CNTNAP2: variants seen among roughly 807,000 people sequenced by gnomAD.
CNTNAP2 encodes the protein contactin-associated protein-like 2.
Under a neutral mutation model 155.2 loss-of-function variants are expected in CNTNAP2, and 98 were observed. That is an observed-to-expected ratio of 0.63 (90% CI 0.54 to 0.75). The LOEUF (loss-of-function observed/expected upper bound fraction) is 0.75, where lower values mean the gene tolerates loss of function less well. CNTNAP2 is among the 30% of genes least tolerant of loss of function. The pLI is 0.00. For missense variants in CNTNAP2, 1,727 were observed against 1,688.1 expected, an observed-to-expected ratio of 1.02 and a Z score of -0.40; for synonymous variants, 651 against 631.2, an observed-to-expected ratio of 1.03 and a Z score of -0.47.
intron 15 of CNTNAP2, among the ~76,000 whole-genome samples, chr7:148,087,456 A>G (rs1803755686): frequency 1.3e-5 from 2 of 152,018 alleles, no homozygotes; most frequent in Non-Finnish European, 2.9e-5. Context: ...TTTCTCTCTC[A>G]AGCATCATTT....
At chr7:147,036,146 A>G (rs1000901617) in intron 3 of CNTNAP2, among the ~76,000 whole-genome samples, 3 of 152,200 alleles carry the variant, frequency 2.0e-5, no homozygotes, top group African/African-American at 7.2e-5. Context: ...TTTGTGAGCT[A>G]TGAATAATTT....
At chr7:146,145,701 G>C (rs1305377977) in intron 1 of CNTNAP2, among the ~76,000 whole-genome samples, 1 of 151,974 alleles carries the variant, frequency 6.6e-6, no homozygotes, top group African/African-American at 2.4e-5. Context: ...AATGGACTAG[G>C]AAAAAAATCC....
intron 19 of CNTNAP2, among the ~76,000 whole-genome samples, chr7:148,227,525 C>T (rs915791634): frequency 1.3e-5 from 2 of 152,176 alleles, no homozygotes; most frequent in Non-Finnish European, 2.9e-5. Context: ...GAGGATGAAC[C>T]AGGAGCTCTG....
At chr7:147,713,987 A>C (rs554187677) in intron 13 of CNTNAP2, among the ~76,000 whole-genome samples, 1 of 152,286 alleles carries the variant, frequency 6.6e-6, no homozygotes, top group South Asian at 2.1e-4. Flanking sequence ...CAGATCATTA[A>C]TACTACTCTC....
intron 21 of CNTNAP2, among the ~76,000 whole-genome samples, chr7:148,380,127 G>A (rs964179632): frequency 2.6e-5 from 4 of 152,084 alleles, no homozygotes; most frequent in Non-Finnish European, 4.4e-5. Context: ...TGATTGTACT[G>A]CATTTCTAAA....
chr7:146,642,221 A>C (rs1392051666), intron 1 of CNTNAP2, among the ~76,000 whole-genome samples: 2 of 151,702 alleles, frequency 1.3e-5, no homozygotes, highest in East Asian at 1.9e-4. Flanking sequence ...GGTTAGTTAC[A>C]TATGTATACA....
intron 18 of CNTNAP2, among the ~76,000 whole-genome samples, chr7:148,179,471 C>T (rs1794997560): frequency 6.7e-6 from 1 of 150,044 alleles, no homozygotes; most frequent in South Asian, 2.1e-4. Context: ...TGTGCCACTG[C>T]ACTTTAGCCT....
At chr7:148,067,707 C>T (rs565554623) in intron 15 of CNTNAP2, among the ~76,000 whole-genome samples, 1 of 152,270 alleles carries the variant, frequency 6.6e-6, no homozygotes, top group East Asian at 1.9e-4. Context: ...TGGACCATAG[C>T]GCTCCCAAGA....
chr7:147,106,715 A>G (rs774412289), intron 4 of CNTNAP2, among the ~76,000 whole-genome samples: 3 of 152,188 alleles, frequency 2.0e-5, no homozygotes, highest in Non-Finnish European at 4.4e-5. Flanking sequence ...ATTTCATTTT[A>G]TTCGAAGTAA....
Position 147,681,081 on chromosome 7 carries a change from C to T in CNTNAP2, c.2098+41775C>T, listed in dbSNP as rs1004156200. ...GAAATTCATTTCAGGTTTTCATAGT[C>T]GTAACCCACATATTTGAAAGGGGAA... is the stretch of plus-strand genomic sequence containing the variant. On this transcript the variant is annotated intron_variant, in intron 13 of 23. Transcript: ENST00000361727. Among the ~76,000 whole-genome samples, 15 of 151,880 alleles carry T rather than the reference C, an allele frequency of 9.9e-5. 1 individual carries two copies. Among genetic ancestry groups the T allele is most frequent in the East Asian group, 3.9e-4 (2 of 5,174 alleles).
intron 1 of CNTNAP2, among the ~76,000 whole-genome samples, chr7:146,743,145 A>G (rs1801748656): frequency 6.6e-6 from 1 of 152,170 alleles, no homozygotes; most frequent in African/African-American, 2.4e-5. Context: ...TCAGTATGCT[A>G]TCCACTCTGA....
At position 147,951,194 on chromosome 7, in the gene CNTNAP2, C is replaced by T. The variant is rs528840042; in HGVS notation, c.2256-26668C>T. 2.0e-4 allele frequency among the ~76,000 whole-genome samples: 31 copies of T among 151,930 alleles called. 1 individual carries two copies. In the South Asian group the frequency reaches 2.9e-3, roughly 14 times the overall value. ...TCACTGTATTTGGGAGCCTGGAAGA[C>T]GAAGAATGGAGCCCAGTAAATAGAG... is the stretch of plus-strand genomic sequence containing the variant. On this transcript the variant is annotated intron_variant, in intron 14 of 23. Coordinates refer to ENST00000361727, the MANE Select transcript of CNTNAP2 (RefSeq NM_014141.6).
At position 148,320,046 on chromosome 7, in the gene CNTNAP2, G is replaced by A. The variant is rs117857379; in HGVS notation, c.3475+52920G>A. On this transcript the variant is annotated intron_variant, in intron 21 of 23. Transcript: ENST00000361727. The stretch of plus-strand genomic sequence containing the variant: ...CTTGTGATTATGTATTTTAATGAGC[G>A]CATTTCCTTTTCATATGGAGAAGGG... Among the ~76,000 whole-genome samples, 1,076 of 152,096 alleles carry A rather than the reference G, an allele frequency of 7.1e-3. 16 individuals carry two copies. Among genetic ancestry groups the A allele is most frequent in the Non-Finnish European group, 4.7e-3 (322 of 67,996 alleles).
At chr7:147,247,108 C>A (rs1453156023) in intron 8 of CNTNAP2, among the ~76,000 whole-genome samples, 1 of 152,090 alleles carries the variant, frequency 6.6e-6, no homozygotes, top group Non-Finnish European at 1.5e-5. Flanking sequence ...AAGAGTGCTT[C>A]TATTTTTGAA....
At chr7:147,204,869 A>G (rs1426315211) in intron 8 of CNTNAP2, among the ~76,000 whole-genome samples, 1 of 152,132 alleles carries the variant, frequency 6.6e-6, no homozygotes, top group African/African-American at 2.4e-5. Flanking sequence ...AGGTAAGAAA[A>G]TATCATTAAT....
chr7:147,085,860 T>C (rs988011405), intron 4 of CNTNAP2: 4 of 152,346 alleles, frequency 2.6e-5, no homozygotes, highest in African/African-American at 9.6e-5. Flanking sequence ...AAACATATCA[T>C]TTGCATCTGC....
At chr7:146,333,805 A>G (rs1172044071) in intron 1 of CNTNAP2, among the ~76,000 whole-genome samples, 1 of 152,222 alleles carries the variant, frequency 6.6e-6, no homozygotes, top group East Asian at 1.9e-4. Context: ...CCCAATGTCT[A>G]TGGAATCCTC....
At chr7:147,185,981 C>T (rs551301403) in intron 8 of CNTNAP2, among the ~76,000 whole-genome samples, 7 of 152,266 alleles carry the variant, frequency 4.6e-5, no homozygotes, top group African/African-American at 9.6e-5. Context: ...ATTGTGAACT[C>T]GCTAACCACG....
At chr7:147,700,031 C>T (rs1055077349) in intron 13 of CNTNAP2, among the ~76,000 whole-genome samples, 5 of 152,166 alleles carry the variant, frequency 3.3e-5, no homozygotes, top group African/African-American at 1.2e-4. Context: ...CTCACACTGA[C>T]AATGTGGAAA....
Sources: allele counts gnomAD v4.1 joint callset (sites outside exome capture counted in the v4.1 genomes callset), GRCh38; gene constraint gnomAD v4.1.1; transcripts MANE v1.5; gene names NCBI Gene and HGNC (gene_info 2026-07-23, HGNC 2026-07-21).